COL5A1: variants seen among roughly 807,000 people sequenced by gnomAD.
COL5A1 encodes the protein collagen type V alpha 1 chain.
COL5A1 carries 16 observed loss-of-function variants against 263.7 expected under a neutral mutation model. The ratio of observed to expected loss-of-function variants is 0.06; its 90% confidence interval spans 0.04 to 0.09. COL5A1 has a LOEUF of 0.09. COL5A1 is among the 10% of genes least tolerant of loss of function. The probability of loss-of-function intolerance (pLI) is 1.00; values close to 1 mark genes in which losing one functional copy is unlikely to be tolerated. For synonymous variants in COL5A1, 1,012 were observed against 1,004.5 expected (o/e 1.01, Z -0.14); for missense variants, 2,036 against 2,540.5 (o/e 0.80, Z 4.27).
chr9:134,834,865 C>T (rs1479812500), intron 64 of COL5A1, 106 bp from the exon 65 acceptor site: 5 of 826,596 alleles, frequency 6.0e-6, no homozygotes, highest in Non-Finnish European at 9.9e-6. Flanking sequence ...AGGTAGTTCC[C>T]CCGAGAAGAC....
In COL5A1 at chr9:134,842,102, C is replaced by T. The variant is rs1257685719; in HGVS notation, c.5371-55C>T. 3 of 1,604,342 alleles carry T rather than the reference C, an allele frequency of 1.9e-6. No homozygotes were observed. The African/African-American group carries it at 4.0e-5, about 21-fold the overall frequency. ...CAGATTGTGGGGGGTGATTGGTAAA[C>T]CCCAAGACCCCCAACTGTTCTTAAC... is the stretch of plus-strand genomic sequence containing the variant. On this transcript the variant is annotated intron_variant, in intron 65 of 65. Transcript: ENST00000371817. This position sits in a 1 kb window ranked among gnomAD's most constrained non-coding sequence, Gnocchi z 5.8.
At chr9:134,803,313 C>G (rs957202792) in intron 39 of COL5A1, among the ~76,000 whole-genome samples, 6 of 152,208 alleles carry the variant, frequency 3.9e-5, no homozygotes, top group Admixed American at 3.9e-4. Flanking sequence ...GTCCATAACA[C>G]GTTTAGCAGA....
rs114151236 is a variant in COL5A1 at position 134,727,587 on chromosome 9, T to G, written c.786+190T>G. Among the ~76,000 whole-genome samples the G allele has an allele frequency of 2.7e-3, 408 of 152,256 alleles. 2 individuals are homozygous for G. The highest frequency in any genetic ancestry group is 9.2e-3 in the African/African-American group (384 of 41,546). On this transcript the variant is annotated intron_variant, in intron 5 of 65. Coordinates refer to ENST00000371817, the MANE Select transcript of COL5A1 (RefSeq NM_000093.5). ...AATAGCACTGCCCAGAATGATAGGG[T>G]CACAGAGTTTGTCATCAATAACCCT...
Position 134,825,259 on chromosome 9 carries a change from G to A in COL5A1, c.4954+404G>A, listed in dbSNP as rs566428501. Among the ~76,000 whole-genome samples the A allele has an allele frequency of 5.9e-5, 9 of 152,330 alleles. No homozygotes were observed. The South Asian group carries it at 1.7e-3, about 28-fold the overall frequency. Reference sequence around the variant, plus strand: ...GGAAGTAAGGGTCAGTGTTAGGACCGGCAGCAGACGCTGTGCTTGGGCAAA... The same window carrying A: ...GGAAGTAAGGGTCAGTGTTAGGACCAGCAGCAGACGCTGTGCTTGGGCAAA... On this transcript the variant is annotated intron_variant, in intron 62 of 65. Coordinates refer to ENST00000371817, the MANE Select transcript of COL5A1 (RefSeq NM_000093.5).
intron 1 of COL5A1, among the ~76,000 whole-genome samples, chr9:134,648,303 T>TAA (rs1279005207): frequency 1.0e-5 from 1 of 98,902 alleles, no homozygotes; most frequent in Non-Finnish European, 2.1e-5. Flanking sequence ...TATATATATA[T>TAA]AATATATATA....
rs372714310 is a variant in COL5A1, at chr9:134,774,825, A to T, written c.2332-34A>T. 3.1e-6 allele frequency: 5 copies of T among 1,608,782 alleles called. No homozygotes were observed. The African/African-American group carries it at 6.7e-5, about 22-fold the overall frequency. ...GTTCCCCAGGCACCTCCACACTGGC[A>T]TGGGGCTAACGGTCTTTTTCTGTTT... On this transcript the variant is annotated intron_variant, in intron 26 of 65. Transcript: ENST00000371817.
chr9:134,780,205 A>G, intron 28 of COL5A1, 59 bp downstream of exon 28: 1 of 1,532,796 alleles, frequency 6.5e-7, no homozygotes, highest in East Asian at 2.2e-5. Context: ...AATTCCAGCC[A>G]GCGGGGCCCT....
In COL5A1 at chr9:134,750,409, G is replaced by A. The variant is rs560630138; in HGVS notation, c.1495-133G>A. 7.8e-5 allele frequency: 62 copies of A among 791,384 alleles called. No homozygotes were observed. In the East Asian group the frequency reaches 1.4e-3, roughly 18 times the overall value. The allele number at this position is 791,384 out of a possible 1,614,324, so 49.0% of individuals were successfully genotyped here. A position where few individuals can be genotyped will look rare whatever the true frequency, so the allele number is the denominator to read the frequency against. ...GGGGTTTCTGAAACATTCCTGCCAC[G>A]GGGTCTCACAGCTTCTGTGCGTGTC... On this transcript the variant is annotated intron_variant, in intron 11 of 65. Coordinates refer to ENST00000371817, the MANE Select transcript of COL5A1 (RefSeq NM_000093.5).
At chr9:134,786,151 A>G in intron 31 of COL5A1, 103 bp downstream of exon 31, 1 of 1,112,578 alleles carries the variant, frequency 9.0e-7, no homozygotes. Flanking sequence ...GCACAGGTGG[A>G]AGGATGTTCT....
chr9:134,764,304 GAGGT>G, intron 20 of COL5A1, among the ~76,000 whole-genome samples: 1 of 126,136 alleles, frequency 7.9e-6, no homozygotes, highest in Non-Finnish European at 1.7e-5. Flanking sequence ...TGGGAGGTCT[GAGGT>G]CATTATAGGG....
chr9:134,734,590 C>T (rs1267336628), intron 9 of COL5A1, among the ~76,000 whole-genome samples: 1 of 152,260 alleles, frequency 6.6e-6, no homozygotes, highest in Admixed American at 6.5e-5. Context: ...GGAGATGCAT[C>T]TGTTCCAGGG....
chr9:134,722,210 A>G (rs879911314), intron 4 of COL5A1, among the ~76,000 whole-genome samples: 1 of 152,184 alleles, frequency 6.6e-6, no homozygotes, highest in Non-Finnish European at 1.5e-5. Context: ...GCCCAGTCCT[A>G]CTATTGTCTG....
intron 63 of COL5A1, among the ~76,000 whole-genome samples, chr9:134,826,719 G>A (rs372220098): frequency 2.7e-5 from 4 of 147,452 alleles, no homozygotes; most frequent in East Asian, 2.0e-4. Context: ...GGGTGTGTGG[G>A]TGGTGTGTGG....
chr9:134,699,551 C>T (rs1010180662), intron 2 of COL5A1, among the ~76,000 whole-genome samples: 5 of 151,976 alleles, frequency 3.3e-5, no homozygotes, highest in African/African-American at 1.2e-4. Context: ...CAGAAGCAGC[C>T]TCCATCCAGA....
At chr9:134,780,919 C>G (rs1423523301) in intron 28 of COL5A1, among the ~76,000 whole-genome samples, 1 of 152,262 alleles carries the variant, frequency 6.6e-6, no homozygotes, top group Non-Finnish European at 1.5e-5. Flanking sequence ...TGGGTTCGCC[C>G]TGCCATGCCG....
intron 42 of COL5A1, 32 bp downstream of exon 42, chr9:134,806,328 C>G: frequency 6.9e-7 from 1 of 1,454,658 alleles, no homozygotes; most frequent in Non-Finnish European, 9.4e-7. Flanking sequence ...GGGAGCCCTT[C>G]CCTCAGAGAT....
chr9:134,706,411 C>T (rs1487166061), intron 4 of COL5A1, among the ~76,000 whole-genome samples: 1 of 152,158 alleles, frequency 6.6e-6, no homozygotes, highest in African/African-American at 2.4e-5. Flanking sequence ...TTTTCAGAAA[C>T]ATGGCCTCAG....
intron 64 of COL5A1, among the ~76,000 whole-genome samples, chr9:134,830,793 T>C (rs1839585230): frequency 6.6e-6 from 1 of 152,250 alleles, no homozygotes; most frequent in Non-Finnish European, 1.5e-5. Flanking sequence ...GAGGTTCTTC[T>C]GGCCGGTGTA....
intron 5 of COL5A1, 67 bp from the exon 6 acceptor site, chr9:134,728,603 G>A (rs1180125986): frequency 1.9e-6 from 3 of 1,609,644 alleles, no homozygotes; most frequent in Non-Finnish European, 2.5e-6. Flanking sequence ...GTTGCGGAAG[G>A]AAGGACAGCA....
Sources: gnomAD v4.1 joint callset for allele counts (sites outside exome capture counted in the v4.1 genomes callset) on GRCh38, gnomAD v4.1.1 for gene constraint, Gnocchi (gnomAD v3.1) non-coding constraint, MANE v1.5 for transcripts, NCBI Gene and HGNC (gene_info 2026-07-23, HGNC 2026-07-21) for gene names.